The following KCNB2 variants were observed in gnomAD, a reference collection of about 807,000 sequenced individuals.
KCNB2 encodes potassium voltage-gated channel subfamily B member 2.
In KCNB2, 15 loss-of-function variants were observed where a neutral mutation model predicts 61.5. The ratio of observed to expected loss-of-function variants is 0.24; its 90% confidence interval spans 0.16 to 0.38. The LOEUF is 0.38. Ranked by LOEUF, KCNB2 falls within the 10% of genes least tolerant of loss-of-function variation. KCNB2 has a pLI of 1.00. For synonymous variants in KCNB2, 457 were observed against 446.0 expected, an observed-to-expected ratio of 1.02 and a Z score of -0.31; for missense variants, 828 against 1,125.2, an observed-to-expected ratio of 0.74 and a Z score of 3.78.
intron 2 of KCNB2, among the ~76,000 whole-genome samples, chr8:72,868,375 C>G (rs1456539636): frequency 1.3e-5 from 2 of 151,642 alleles, no homozygotes; most frequent in Non-Finnish European, 2.9e-5. Context: ...GTCAAGAGAT[C>G]AAGACCATCC....
intron 2 of KCNB2, among the ~76,000 whole-genome samples, chr8:72,613,192 A>T (rs1468067968): frequency 6.6e-6 from 1 of 152,192 alleles, no homozygotes; most frequent in Non-Finnish European, 1.5e-5. Flanking sequence ...GATAAACTGA[A>T]AATAAAAGTG....
intron 2 of KCNB2, among the ~76,000 whole-genome samples, chr8:72,640,598 A>G (rs1429623378): frequency 1.3e-5 from 2 of 152,110 alleles, no homozygotes; most frequent in Non-Finnish European, 1.5e-5. Flanking sequence ...TTTTTTTAGA[A>G]ACTTCATTAA....
At chr8:72,845,419 G>A (rs188643566) in intron 2 of KCNB2, among the ~76,000 whole-genome samples, 116 of 152,340 alleles carry the variant, frequency 7.6e-4, no homozygotes, top group African/African-American at 2.7e-3. Context: ...TGAGGGTCAG[G>A]GACCCATGTG....
intron 2 of KCNB2, among the ~76,000 whole-genome samples, chr8:72,647,473 C>T (rs1010573358): frequency 6.6e-6 from 1 of 152,014 alleles, no homozygotes; most frequent in Non-Finnish European, 1.5e-5. Context: ...AATTGAAATT[C>T]TTTGGACACC....
chr8:72,807,790 A>C (rs930159219), intron 2 of KCNB2, among the ~76,000 whole-genome samples: 1 of 152,200 alleles, frequency 6.6e-6, no homozygotes, highest in Non-Finnish European at 1.5e-5. Flanking sequence ...CAGGATAATA[A>C]ATAATAATAA....
At chr8:72,837,927 A>G (rs1809808847) in intron 2 of KCNB2, among the ~76,000 whole-genome samples, 1 of 152,228 alleles carries the variant, frequency 6.6e-6, no homozygotes, top group South Asian at 2.1e-4. Context: ...TTTAAACAAC[A>G]CAGATATATT....
intron 2 of KCNB2, among the ~76,000 whole-genome samples, chr8:72,644,589 T>C (rs1423728020): frequency 6.6e-6 from 1 of 152,160 alleles, no homozygotes; most frequent in Admixed American, 6.6e-5. Flanking sequence ...AAACATAGCC[T>C]CAGACTAGCA....
At chr8:72,900,039 A>T (rs1427265636) in intron 2 of KCNB2, among the ~76,000 whole-genome samples, 1 of 152,120 alleles carries the variant, frequency 6.6e-6, no homozygotes, top group Non-Finnish European at 1.5e-5. Flanking sequence ...TGAATAGCCA[A>T]AGCAATCCTA....
chr8:72,698,367 A>C (rs1807053289), intron 2 of KCNB2, among the ~76,000 whole-genome samples: 5 of 152,160 alleles, frequency 3.3e-5, no homozygotes, highest in African/African-American at 9.6e-5. Context: ...CATAGATGAC[A>C]TAAACAAATG....
chr8:72,824,896 T>TA (rs1198534174), intron 2 of KCNB2, among the ~76,000 whole-genome samples: 1 of 152,206 alleles, frequency 6.6e-6, no homozygotes, highest in Non-Finnish European at 1.5e-5. Flanking sequence ...TGGTAAAATA[T>TA]ACATAACATA....
At chr8:72,901,550 A>G (rs1371361928) in intron 2 of KCNB2, among the ~76,000 whole-genome samples, 1 of 151,816 alleles carries the variant, frequency 6.6e-6, no homozygotes, top group Admixed American at 6.7e-5. Context: ...ACTATAATCT[A>G]TGAAGATCCT....
chr8:72,936,612 T>C lies in KCNB2; in HGVS notation c.1257T>C (p.Asn419=). ...IALPIPIIVN[N]FSEFYKEQKR... ...TTCCTATCCCAATTATTGTGAACAA[T>C]TTTTCTGAGTTTTACAAGGAGCAGA... is the stretch of plus-strand genomic sequence containing the variant. Residue 419 remains asparagine, a synonymous_variant, in exon 3 of 3, where the codon AAT becomes AAC. Transcript: ENST00000523207. The surrounding 1 kb of genome is among the most constrained non-coding windows in gnomAD (Gnocchi z 5.6). The C allele has an allele frequency of 6.2e-7, 1 of 1,614,094 alleles. No homozygotes were observed. Among genetic ancestry groups the C allele is most frequent in the Non-Finnish European group, 8.5e-7 (1 of 1,180,024 alleles).
At chr8:72,895,012 C>A (rs1160269759) in intron 2 of KCNB2, among the ~76,000 whole-genome samples, 1 of 152,118 alleles carries the variant, frequency 6.6e-6, no homozygotes, top group East Asian at 1.9e-4. Flanking sequence ...TGGACCCTCC[C>A]CCTAAGGCCC....
chr8:72,710,810 T>G (rs1807314146), intron 2 of KCNB2, among the ~76,000 whole-genome samples: 1 of 152,208 alleles, frequency 6.6e-6, no homozygotes, highest in Non-Finnish European at 1.5e-5. Context: ...AAATTTAAAT[T>G]TCATCTTAAA....
chr8:72,628,781 G>C (rs1346839992), intron 2 of KCNB2, among the ~76,000 whole-genome samples: 1 of 152,158 alleles, frequency 6.6e-6, no homozygotes, highest in Non-Finnish European at 1.5e-5. Flanking sequence ...GCACACATCT[G>C]CTGCTGAATA....
intron 2 of KCNB2, among the ~76,000 whole-genome samples, chr8:72,806,075 T>C (rs1382501767): frequency 6.6e-6 from 1 of 152,136 alleles, no homozygotes; most frequent in Non-Finnish European, 1.5e-5. Context: ...TTAAAAATGA[T>C]GAGGCCAGAC....
At chr8:72,913,535 G>A (rs1005386026) in intron 2 of KCNB2, among the ~76,000 whole-genome samples, 2 of 152,158 alleles carry the variant, frequency 1.3e-5, no homozygotes, top group African/African-American at 4.8e-5. Flanking sequence ...TACCAGGCTA[G>A]GTGCAAGGTC....
intron 2 of KCNB2, among the ~76,000 whole-genome samples, chr8:72,874,230 T>G (rs1362735928): frequency 6.6e-6 from 1 of 152,226 alleles, no homozygotes; most frequent in African/African-American, 2.4e-5. Context: ...CAAAATTATT[T>G]TGGAAAAATC....
intron 2 of KCNB2, among the ~76,000 whole-genome samples, chr8:72,875,538 C>CTTTTTTTTTTTT (rs1202722527): frequency 1.3e-4 from 1 of 7,644 alleles, no homozygotes; most frequent in Non-Finnish European, 2.6e-4. Context: ...CATTGCAAAT[C>CTTTTTTTTTTTT]TTTTTTTTTT....
Sources: gnomAD v4.1 joint callset for allele counts (sites outside exome capture counted in the v4.1 genomes callset) on GRCh38, gnomAD v4.1.1 for gene constraint, Gnocchi (gnomAD v3.1) non-coding constraint, MANE v1.5 for transcripts, NCBI Gene and HGNC (gene_info 2026-07-23, HGNC 2026-07-21) for gene names.